PRELID2: variants seen among roughly 807,000 people sequenced by gnomAD.
PRELID2 encodes the protein PRELI domain-containing protein 2.
Under a neutral mutation model 28.4 loss-of-function variants are expected in PRELID2, and 25 were observed. The observed-to-expected ratio is 0.88, with a 90% CI of 0.64 to 1.23. The LOEUF (loss-of-function observed/expected upper bound fraction) is 1.23, where lower values mean the gene tolerates loss of function less well. Among genes scored for constraint, PRELID2 ranks in the 50% most tolerant of loss-of-function variants. PRELID2 has a pLI of 0.00. For synonymous variants in PRELID2, 76 were observed against 71.6 expected, an observed-to-expected ratio of 1.06 and a Z score of -0.31; for missense variants, 201 against 214.4, an observed-to-expected ratio of 0.94 and a Z score of 0.39.
intron 1 of PRELID2, among the ~76,000 whole-genome samples, chr5:145,748,380 A>G (rs1193847503): frequency 1.3e-5 from 2 of 152,176 alleles, no homozygotes; most frequent in Admixed American, 6.5e-5. Context: ...CACAAATGCT[A>G]CAAAGAGAAT....
At chr5:145,281,968 G>T in the PRELID2 span, among the ~76,000 whole-genome samples, 3 of 152,138 alleles carry the variant, frequency 2.0e-5, no homozygotes, top group African/African-American at 7.2e-5. Flanking sequence ...GATTCGTAAT[G>T]AAGATTAGAC....
intron 5 of PRELID2, among the ~76,000 whole-genome samples, chr5:145,769,060 C>T (rs1335885231): frequency 6.6e-6 from 1 of 152,168 alleles, no homozygotes; most frequent in Admixed American, 6.5e-5. Flanking sequence ...TAAATCTCAA[C>T]CCCCAGGAGA....
chr5:145,779,680 A>T (rs562508144), intron 5 of PRELID2, among the ~76,000 whole-genome samples: 7 of 152,270 alleles, frequency 4.6e-5, no homozygotes, highest in African/African-American at 1.7e-4. Flanking sequence ...TGAAGTATTT[A>T]TTGTGTGCCA....
chr5:145,270,964 A>C, the PRELID2 span, among the ~76,000 whole-genome samples: 19 of 152,120 alleles, frequency 1.2e-4, no homozygotes, highest in African/African-American at 4.1e-4. Context: ...ACTTACAATC[A>C]TGGAGGAAGG....
At chr5:145,778,416 A>T (rs910148998) in intron 5 of PRELID2, among the ~76,000 whole-genome samples, 30 of 152,240 alleles carry the variant, frequency 2.0e-4, no homozygotes, top group African/African-American at 7.0e-4. Flanking sequence ...GGGGCTACAC[A>T]CTGTGAGTTC....
the PRELID2 span, among the ~76,000 whole-genome samples, chr5:145,236,646 T>A: frequency 2.0e-5 from 3 of 152,154 alleles, no homozygotes; most frequent in Non-Finnish European, 4.4e-5. Context: ...CAGAGATGTC[T>A]GCATAGTTGA....
At chr5:145,380,955 AGAACATTAGTTCCATG>A in the PRELID2 span, among the ~76,000 whole-genome samples, 1 of 152,244 alleles carries the variant, frequency 6.6e-6, no homozygotes, top group Non-Finnish European at 1.5e-5. Flanking sequence ...TATGTAACAT[AGAACATTAGTTCCATG>A]GAACATAATA....
At chr5:145,782,922 G>C (rs680626) in intron 5 of PRELID2, among the ~76,000 whole-genome samples, 112,804 of 152,122 alleles carry the variant, frequency 0.74, 44,294 homozygotes, top group East Asian at 0.92. Flanking sequence ...AGTTAAGTCT[G>C]ATTTTACAGA....
the PRELID2 span, among the ~76,000 whole-genome samples, chr5:145,339,641 A>G: frequency 6.6e-6 from 1 of 152,190 alleles, no homozygotes; most frequent in Non-Finnish European, 1.5e-5. Context: ...GAAGATGAGA[A>G]GCTATACATT....
At chr5:145,373,168 CAACATATATAATATATAT>C in the PRELID2 span, among the ~76,000 whole-genome samples, 8 of 31,514 alleles carry the variant, frequency 2.5e-4, no homozygotes, top group East Asian at 8.8e-3. Flanking sequence ...ATATATATTA[CAACATATATAATATATAT>C]GATATATATT....
chr5:145,528,319 T>TA (rs1249792202), intron 1 of PRELID2, among the ~76,000 whole-genome samples: 1 of 152,142 alleles, frequency 6.6e-6, no homozygotes, highest in Non-Finnish European at 1.5e-5. Context: ...CCTCAGTACT[T>TA]ATCACAGTCC....
At chr5:145,492,214 T>C (rs1752275759) in intron 1 of PRELID2, among the ~76,000 whole-genome samples, 1 of 152,214 alleles carries the variant, frequency 6.6e-6, no homozygotes, top group Non-Finnish European at 1.5e-5. Context: ...TTTTGTCGCT[T>C]TGATACAAGA....
At chr5:145,420,258 A>G in the PRELID2 span, among the ~76,000 whole-genome samples, 2 of 152,024 alleles carry the variant, frequency 1.3e-5, no homozygotes, top group African/African-American at 4.8e-5. Flanking sequence ...GTTTTTTCCA[A>G]TTCTGTGAAG....
At chr5:145,456,287 G>A in the PRELID2 span, among the ~76,000 whole-genome samples, 13 of 152,114 alleles carry the variant, frequency 8.5e-5, no homozygotes, top group Non-Finnish European at 1.9e-4. Flanking sequence ...TAATCTTGTC[G>A]CAGACCAGTA....
chr5:145,417,672 A>C, the PRELID2 span, among the ~76,000 whole-genome samples: 2 of 152,224 alleles, frequency 1.3e-5, no homozygotes, highest in Non-Finnish European at 2.9e-5. Context: ...TAGATGCAGA[A>C]AAAGCCTTTG....
the PRELID2 span, among the ~76,000 whole-genome samples, chr5:145,236,045 G>A: frequency 2.6e-5 from 4 of 152,070 alleles, no homozygotes; most frequent in Non-Finnish European, 4.4e-5. Flanking sequence ...GAAGATGCTC[G>A]ACCTCAGATT....
the PRELID2 span, among the ~76,000 whole-genome samples, chr5:145,368,322 G>A: frequency 1.3e-5 from 2 of 151,938 alleles, no homozygotes; most frequent in African/African-American, 4.8e-5. Context: ...GAAAAAAAGG[G>A]AGGGAGAATG....
chr5:145,320,087 A>C, the PRELID2 span, among the ~76,000 whole-genome samples: 6 of 152,358 alleles, frequency 3.9e-5, no homozygotes, highest in East Asian at 1.2e-3. Context: ...TCAGTTCATT[A>C]TGAATGGAAT....
At chr5:145,390,008 A>C in the PRELID2 span, among the ~76,000 whole-genome samples, 1 of 152,350 alleles carries the variant, frequency 6.6e-6, no homozygotes, top group South Asian at 2.1e-4. Flanking sequence ...CCAGGCTATA[A>C]CCATGAAATC....
Sources: allele counts gnomAD v4.1 joint callset (sites outside exome capture counted in the v4.1 genomes callset), GRCh38; gene constraint gnomAD v4.1.1; transcripts MANE v1.5; gene names NCBI Gene and HGNC (gene_info 2026-07-23, HGNC 2026-07-21).